LRRIQ3: variants seen among roughly 807,000 people sequenced by gnomAD.
The protein encoded by LRRIQ3 is leucine rich repeats and IQ motif containing 3, also known as leucine-rich repeat and IQ domain-containing protein 3.
Under a neutral mutation model 59.3 loss-of-function variants are expected in LRRIQ3, and 75 were observed. That is an observed-to-expected ratio of 1.26 (90% CI 1.05 to 1.53). The LOEUF (loss-of-function observed/expected upper bound fraction) is 1.53. Among genes scored for constraint, LRRIQ3 ranks in the 40% most tolerant of loss-of-function variants. The pLI is 0.00. For synonymous variants in LRRIQ3, 250 were observed against 231.3 expected, an observed-to-expected ratio of 1.08 and a Z score of -0.73; for missense variants, 831 against 710.0, an observed-to-expected ratio of 1.17 and a Z score of -1.94.
chr1:74,131,989 G>C (rs1392962558), intron 4 of LRRIQ3, among the ~76,000 whole-genome samples: 1 of 152,116 alleles, frequency 6.6e-6, no homozygotes, highest in Non-Finnish European at 1.5e-5. Flanking sequence ...CATTGTCTCA[G>C]CACAAAATCT....
rs776837733 is a variant in LRRIQ3, at chr1:74,026,969, T to C, written c.1719A>G (p.Arg573=). ...AATGTCTTTTATATATTTCTTGAGA[T>C]CTAAGAGGAGAAAGAAAGGTAATAG... ...KNLLKEMKKV[R]SQEIYKRHCE... The change falls in exon 8 of 8, where the codon AGA becomes AGG. Residue 573 remains arginine (R), a splice_region_variant and synonymous_variant. Transcript: ENST00000354431. The C allele has an allele frequency of 2.2e-5, 34 of 1,517,912 alleles. No homozygotes were observed. Among genetic ancestry groups the C allele is most frequent in the Non-Finnish European group, 2.8e-5 (31 of 1,114,798 alleles). 94.0% of individuals were successfully genotyped at this position (1,517,912 alleles called of 1,614,324 possible).
At chr1:74,051,918 T>C (rs1654382264) in intron 6 of LRRIQ3, among the ~76,000 whole-genome samples, 1 of 152,068 alleles carries the variant, frequency 6.6e-6, no homozygotes, top group South Asian at 2.1e-4. Context: ...ACCAATTTCA[T>C]ACCTGGCCAT....
chr1:74,116,149 C>T (rs959665679), intron 4 of LRRIQ3, among the ~76,000 whole-genome samples: 1 of 151,848 alleles, frequency 6.6e-6, no homozygotes, highest in Admixed American at 6.6e-5. Flanking sequence ...GACGTTTTTC[C>T]ACAGCAGAGT....
chr1:74,044,566 AAG>A (rs1352781646), intron 6 of LRRIQ3, among the ~76,000 whole-genome samples: 1 of 152,174 alleles, frequency 6.6e-6, no homozygotes, highest in African/African-American at 2.4e-5. Context: ...CTAGAGAAGA[AAG>A]AGCAAACAAA....
intron 6 of LRRIQ3, among the ~76,000 whole-genome samples, chr1:74,058,175 A>C (rs1654593800): frequency 6.6e-6 from 1 of 152,154 alleles, no homozygotes; most frequent in East Asian, 1.9e-4. Flanking sequence ...GGTTCTTCAA[A>C]AAACTAAAAA....
intron 3 of LRRIQ3, among the ~76,000 whole-genome samples, chr1:74,162,316 C>T (rs1648706308): frequency 6.6e-6 from 1 of 151,676 alleles, no homozygotes; most frequent in Non-Finnish European, 1.5e-5. Context: ...AACAAATTAA[C>T]TATAAAAGAT....
chr1:74,120,666 T>C (rs1411364858), intron 4 of LRRIQ3, among the ~76,000 whole-genome samples: 1 of 151,944 alleles, frequency 6.6e-6, no homozygotes, highest in Non-Finnish European at 1.5e-5. Flanking sequence ...TTATCTTATG[T>C]ATGGCCTTAA....
At chr1:74,071,133 T>A (rs1448790689) in intron 6 of LRRIQ3, among the ~76,000 whole-genome samples, 1 of 151,780 alleles carries the variant, frequency 6.6e-6, no homozygotes, top group Non-Finnish European at 1.5e-5. Flanking sequence ...TATGTATATA[T>A]AACTATCTAT....
At chr1:74,158,402 AATCTC>A (rs1648469479) in intron 3 of LRRIQ3, among the ~76,000 whole-genome samples, 2 of 152,074 alleles carry the variant, frequency 1.3e-5, no homozygotes, top group South Asian at 4.1e-4. Context: ...CTAGCTCCTT[AATCTC>A]ATCTCAATTT....
chr1:74,071,116 T>C (rs879625163), intron 6 of LRRIQ3, among the ~76,000 whole-genome samples: 8 of 151,346 alleles, frequency 5.3e-5, no homozygotes, highest in Non-Finnish European at 1.2e-4. Context: ...GTTAGGTAAA[T>C]TGTTTGTATG....
intron 5 of LRRIQ3, among the ~76,000 whole-genome samples, chr1:74,099,640 C>G (rs868563484): frequency 6.6e-6 from 1 of 152,028 alleles, no homozygotes; most frequent in Non-Finnish European, 1.5e-5. Flanking sequence ...TGATGAACAT[C>G]GATGCAAAAT....
At chr1:74,153,822 A>G (rs1021092745) in intron 4 of LRRIQ3, among the ~76,000 whole-genome samples, 1 of 152,162 alleles carries the variant, frequency 6.6e-6, no homozygotes, top group Admixed American at 6.5e-5. Flanking sequence ...TGGTGAATAA[A>G]ATGATTAAAT....
At chr1:74,085,982 T>C (rs1646323917) in intron 5 of LRRIQ3, among the ~76,000 whole-genome samples, 1 of 152,058 alleles carries the variant, frequency 6.6e-6, no homozygotes, top group Non-Finnish European at 1.5e-5. Context: ...GCTCCATCTC[T>C]GTAATCACCC....
chr1:74,065,889 A>C (rs892224350), intron 6 of LRRIQ3, among the ~76,000 whole-genome samples: 1 of 152,082 alleles, frequency 6.6e-6, no homozygotes, highest in Non-Finnish European at 1.5e-5. Context: ...AGATTATTCA[A>C]CTACATAAAA....
chr1:74,155,684 C>T, intron 4 of LRRIQ3, 49 bp downstream of exon 4: 1 of 1,478,728 alleles, frequency 6.8e-7, no homozygotes, highest in Non-Finnish European at 9.1e-7. Context: ...TCATTTATTT[C>T]TTCACCTTCT....
At chr1:74,158,124 T>C (rs1360867519) in intron 3 of LRRIQ3, among the ~76,000 whole-genome samples, 1 of 152,078 alleles carries the variant, frequency 6.6e-6, no homozygotes, top group East Asian at 1.9e-4. Context: ...CTTACCTCTC[T>C]TTTTCTTCTA....
intron 4 of LRRIQ3, among the ~76,000 whole-genome samples, chr1:74,132,178 A>T (rs1262462707): frequency 6.6e-6 from 1 of 152,254 alleles, no homozygotes; most frequent in African/African-American, 2.4e-5. Context: ...GATGTGAAGG[A>T]CCTCTTCAAG....
chr1:74,042,986 C>A (rs1654093049), intron 6 of LRRIQ3, among the ~76,000 whole-genome samples: 1 of 152,028 alleles, frequency 6.6e-6, no homozygotes, highest in Admixed American at 6.6e-5. Context: ...TCTCATGGAC[C>A]AGAATCATCC....
intron 1 of LRRIQ3, among the ~76,000 whole-genome samples, chr1:74,191,998 T>C (rs1650796573): frequency 2.0e-5 from 3 of 151,994 alleles, no homozygotes; most frequent in South Asian, 4.1e-4. Context: ...TTTATCATCA[T>C]CTCATTCCAG....
Sources: allele counts gnomAD v4.1 joint callset (sites outside exome capture counted in the v4.1 genomes callset), GRCh38; gene constraint gnomAD v4.1.1; transcripts MANE v1.5; gene names NCBI Gene and HGNC (gene_info 2026-07-23, HGNC 2026-07-21).